Variants in PTPN21 observed in about 807,000 individuals in gnomAD.
PTPN21 encodes the protein tyrosine-protein phosphatase non-receptor type 21.
In PTPN21, 77 loss-of-function variants were observed where a neutral mutation model predicts 131.8. That is an observed-to-expected ratio of 0.58 (90% CI 0.49 to 0.71). PTPN21 has a LOEUF of 0.71. Ranked by LOEUF, PTPN21 falls within the 30% of genes least tolerant of loss-of-function variation. PTPN21 has a pLI of 0.00. For synonymous variants in PTPN21, 715 were observed against 621.3 expected (o/e 1.15, Z -2.24); for missense variants, 1,552 against 1,527.1 (o/e 1.02, Z -0.27).
At chr14:88,525,925 G>C (rs1487638246) in intron 2 of PTPN21, among the ~76,000 whole-genome samples, 6 of 152,162 alleles carry the variant, frequency 3.9e-5, no homozygotes, top group Non-Finnish European at 7.4e-5. Context: ...AAAATATTAT[G>C]CTAAGCAAAA....
intron 12 of PTPN21, among the ~76,000 whole-genome samples, chr14:88,484,779 T>C (rs1247226437): frequency 6.6e-6 from 1 of 152,114 alleles, no homozygotes; most frequent in African/African-American, 2.4e-5. Context: ...TCCCAGCTAC[T>C]TGGGAAGCTG....
rs1277649248 is a variant in PTPN21, at chr14:88,469,776, T to C, written c.3001-43A>G. The stretch of plus-strand genomic sequence containing the variant: ...GGTTAAATGACTCGAGATCCGGCAA[T>C]GGATGCCTTTCTCACATAGACGGCA... On this transcript the variant is annotated intron_variant, in intron 16 of 18. Coordinates refer to ENST00000556564, the MANE Select transcript of PTPN21 (RefSeq NM_007039.4). The surrounding 1 kb of genome is among the most constrained non-coding windows in gnomAD (Gnocchi z 4.3). 9 of 1,606,012 alleles carry C rather than the reference T, an allele frequency of 5.6e-6. No individual in the cohort carries two copies. The highest frequency in any genetic ancestry group is 7.7e-6 in the Non-Finnish European group (9 of 1,172,838).
Position 88,473,736 on chromosome 14 carries a change from G to C in PTPN21, c.2578C>G (p.Leu860Val). 1.2e-6 allele frequency: 2 copies of C among 1,611,206 alleles called. No individual in the cohort carries two copies. The highest frequency in any genetic ancestry group is 1.7e-6 in the Non-Finnish European group (2 of 1,179,484). ...GGCAGAGGCACTCGAGATAGGGAGA[G>C]TCCATTTAGGGCAGCCAGTTTAAGA... ...GPLKLAALNG[L>V]SLSRVPLPDE... Residue 860 changes from leucine (L) to valine (V), a missense_variant, in exon 14 of 19, where the codon CTC (leucine) becomes GTC (valine). By Grantham distance (32) the Leu-to-Val change is conservative. Coordinates refer to ENST00000556564, the MANE Select transcript of PTPN21 (RefSeq NM_007039.4).
rs371884019 is a variant in PTPN21, at chr14:88,500,853, T to C, written c.694A>G (p.Ile232Val). The change falls in exon 8 of 19, where the codon ATA becomes GTA. Residue 232 changes from isoleucine (I) to valine (V), a missense_variant. Ile to Val is a conservative substitution (Grantham distance 29). This residue lies in a region of PTPN21 where 1,016 missense variants were observed against 883.5 expected (regional missense o/e 1.15). Transcript: ENST00000556564. ...YPAKDSQGSD[I>V]SIGACLEGIF... The stretch of plus-strand genomic sequence containing the variant: ...CCTTCAAGACACGCTCCAATGGATA[T>C]GTCACTTCCTTGGCTATCCTACAAG... 82 of 1,612,858 alleles carry C rather than the reference T, an allele frequency of 5.1e-5. No homozygotes were observed. In the South Asian group the frequency reaches 7.1e-4, roughly 14 times the overall value.
intron 2 of PTPN21, among the ~76,000 whole-genome samples, chr14:88,545,419 C>A (rs752892602): frequency 4.6e-5 from 7 of 152,170 alleles, no homozygotes; most frequent in Non-Finnish European, 1.0e-4. Context: ...GTGCTGATTC[C>A]GTCAAGGTGA....
At chr14:88,476,636 T>A (rs1454680220) in intron 13 of PTPN21, among the ~76,000 whole-genome samples, 1 of 152,136 alleles carries the variant, frequency 6.6e-6, no homozygotes, top group Non-Finnish European at 1.5e-5. Context: ...GGTTATCTGA[T>A]GTGGAAGCTG....
In PTPN21 at chr14:88,469,184, GCA is replaced by G; in HGVS notation, c.3236-110_3236-109del. 7.9e-7 allele frequency: 1 copy of G among 1,272,352 alleles called. No individual in the cohort carries two copies. Among genetic ancestry groups the G allele is most frequent in the Non-Finnish European group, 1.1e-6 (1 of 930,714 alleles). 78.8% of individuals were successfully genotyped at this position (1,272,352 alleles called of 1,614,324 possible). ...TGATTAAGAGGACTGCAGATAAAGA[GCA>G]CTGGGTGCCAGTGAACCAAACCCAA... On this transcript the variant is annotated intron_variant, in intron 17 of 18. Transcript: ENST00000556564. The surrounding 1 kb of genome is among the most constrained non-coding windows in gnomAD (Gnocchi z 4.3).
intron 3 of PTPN21, among the ~76,000 whole-genome samples, chr14:88,509,803 A>C (rs1446669701): frequency 6.6e-6 from 1 of 152,228 alleles, no homozygotes; most frequent in East Asian, 1.9e-4. Flanking sequence ...TGGGAAGCCA[A>C]GGCGGGCGGA....
intron 15 of PTPN21, among the ~76,000 whole-genome samples, chr14:88,470,689 G>A (rs772668463): frequency 3.9e-5 from 6 of 152,204 alleles, no homozygotes; most frequent in African/African-American, 7.2e-5. Flanking sequence ...TGTGCCACAC[G>A]CACTCTCACT....
At chr14:88,554,236 T>C (rs1349603932) in intron 1 of PTPN21, among the ~76,000 whole-genome samples, 1 of 152,198 alleles carries the variant, frequency 6.6e-6, no homozygotes, top group Non-Finnish European at 1.5e-5. Flanking sequence ...CCAAGAATTC[T>C]TGTTTCCAGA....
Position 88,478,925 on chromosome 14 carries a change from G to A in PTPN21, c.2506C>T (p.Leu836=), listed in dbSNP as rs1361675792. 4.0e-6 allele frequency: 6 copies of A among 1,485,408 alleles called. No individual in the cohort carries two copies. In the Admixed American group the frequency reaches 6.8e-5, roughly 17 times the overall value. The allele number at this position is 1,485,408 out of a possible 1,614,324, so 92.0% of individuals were successfully genotyped here. A position where few individuals can be genotyped will look rare whatever the true frequency, so the allele number is the denominator to read the frequency against. The part of the protein sequence containing the change: ...KKNIVEGLPP[L]GGMKKTRVDA... ...CTGCTCGCCGCGTGGCTTACCCCTAGAGGCGGGAGCCCTTCCACGATGTTC... is the reference window on the plus strand; with the variant it reads ...CTGCTCGCCGCGTGGCTTACCCCTAAAGGCGGGAGCCCTTCCACGATGTTC... Residue 836 remains leucine, a synonymous_variant, in exon 13 of 19, where the codon CTA becomes TTA. Transcript: ENST00000556564.
chr14:88,527,795 T>G (rs1408984130), intron 2 of PTPN21, among the ~76,000 whole-genome samples: 1 of 152,226 alleles, frequency 6.6e-6, no homozygotes, highest in African/African-American at 2.4e-5. Flanking sequence ...AGGTCTTAGG[T>G]ATAAGTCTTT....
At chr14:88,468,729 T>G (rs2077404937) in intron 18 of PTPN21, among the ~76,000 whole-genome samples, 187 bp downstream of exon 18, 1 of 152,200 alleles carries the variant, frequency 6.6e-6, no homozygotes, top group Admixed American at 6.5e-5. Flanking sequence ...CTTCTTAGTC[T>G]TTAATATGCT....
intron 2 of PTPN21, among the ~76,000 whole-genome samples, chr14:88,521,467 A>C (rs530939681): frequency 6.6e-6 from 1 of 150,716 alleles, no homozygotes; most frequent in Non-Finnish European, 1.5e-5. Context: ...CAATGGTGTG[A>C]TCTCAGCTCA....
At chr14:88,485,666 G>T in intron 11 of PTPN21, 116 bp downstream of exon 11, 1 of 660,204 alleles carries the variant, frequency 1.5e-6, no homozygotes, top group Non-Finnish European at 2.5e-6. Flanking sequence ...TAAAAATGAT[G>T]AAATATCAAT....
chr14:88,548,500 T>A (rs2078814838), intron 2 of PTPN21, among the ~76,000 whole-genome samples: 1 of 152,158 alleles, frequency 6.6e-6, no homozygotes, highest in South Asian at 2.1e-4. Flanking sequence ...TTCCCTTTGC[T>A]GCACCTCCCT....
chr14:88,524,609 T>C lies in PTPN21; in HGVS notation c.181-7348A>G, dbSNP rs79532961. On this transcript the variant is annotated intron_variant, in intron 2 of 18. Transcript: ENST00000556564. Reference sequence around the variant, plus strand: ...AAAGAAAAAAATAGATAAACTTATTTCAAAATTACAAAACTTGCCAGGCAC... The same window carrying C: ...AAAGAAAAAAATAGATAAACTTATTCCAAAATTACAAAACTTGCCAGGCAC... 1.2e-4 allele frequency among the ~76,000 whole-genome samples: 18 copies of C among 152,292 alleles called. No individual in the cohort carries two copies. The East Asian group carries it at 3.3e-3, about 28-fold the overall frequency.
chr14:88,495,192 A>T (rs2077892322), intron 10 of PTPN21, among the ~76,000 whole-genome samples: 1 of 152,144 alleles, frequency 6.6e-6, no homozygotes, highest in African/African-American at 2.4e-5. Context: ...GCCAGCACTA[A>T]GCTGTTAACA....
chr14:88,479,116 A>G lies in PTPN21; in HGVS notation c.2315T>C (p.Met772Thr), dbSNP rs1566811864. ...GGTCGTGCGGACGGGGCTGCTGTCCATCATCCTCTTCTCCGCGTCTGGGAC... is the reference window on the plus strand; with the variant it reads ...GGTCGTGCGGACGGGGCTGCTGTCCGTCATCCTCTTCTCCGCGTCTGGGAC... ...AHVPDAEKRM[M>T]DSSPVRTTAE... The change falls in exon 13 of 19, where the codon ATG becomes ACG. Residue 772 changes from methionine (M) to threonine (T), a missense_variant. Physicochemically the swap from Met to Thr is moderately conservative, Grantham distance 81. Transcript: ENST00000556564. 2 of 1,564,180 alleles carry G rather than the reference A, an allele frequency of 1.3e-6. No homozygotes were observed. Among genetic ancestry groups the G allele is most frequent in the Non-Finnish European group, 1.7e-6 (2 of 1,156,910 alleles).
Sources: gnomAD v4.1 joint callset for allele counts (sites outside exome capture counted in the v4.1 genomes callset) on GRCh38, gnomAD v4.1.1 for gene constraint, gnomAD v4.1.1 regional missense constraint, Gnocchi (gnomAD v3.1) non-coding constraint, MANE v1.5 for transcripts, NCBI Gene and HGNC (gene_info 2026-07-23, HGNC 2026-07-21) for gene names.